HELB: variants seen among roughly 807,000 people sequenced by gnomAD.
HELB encodes DNA helicase B.
A neutral mutation model predicts 101.7 loss-of-function variants in HELB; 96 were observed. That is an observed-to-expected ratio of 0.94 (90% CI 0.80 to 1.12). The LOEUF (loss-of-function observed/expected upper bound fraction) is 1.12, where lower values mean the gene tolerates loss of function less well. HELB is among the 50% of genes most tolerant of loss of function. The pLI, the probability that HELB is intolerant of heterozygous loss-of-function variation, is 0.00. For missense variants in HELB, 1,210 were observed against 1,291.9 expected, an observed-to-expected ratio of 0.94 and a Z score of 0.97; for synonymous variants, 437 against 459.7, an observed-to-expected ratio of 0.95 and a Z score of 0.63.
At chr12:66,322,973 G>A (rs1228927959) in intron 9 of HELB, among the ~76,000 whole-genome samples, 190 bp downstream of exon 9, 1 of 151,652 alleles carries the variant, frequency 6.6e-6, no homozygotes, top group African/African-American at 2.4e-5. Flanking sequence ...TGACATTTTA[G>A]TAATGAGTGG....
intron 4 of HELB, among the ~76,000 whole-genome samples, chr12:66,311,503 A>G (rs1036515840): frequency 1.3e-5 from 2 of 152,168 alleles, no homozygotes; most frequent in Non-Finnish European, 1.5e-5. Flanking sequence ...GTGTAGGCGT[A>G]ATGATATAGT....
At position 66,331,425 on chromosome 12, in the gene HELB, C is replaced by T. The variant is rs532858164; in HGVS notation, c.2942C>T (p.Pro981Leu). The T allele has an allele frequency of 1.1e-5, 18 of 1,614,190 alleles. No individual in the cohort carries two copies. The Admixed American group carries it at 1.2e-4, about 10-fold the overall frequency. Reference sequence around the variant, plus strand: ...GGAGACAGTGGAGGACCCAGCACACCGTCAGCATCTCCACTCCCTGTAGTC... The same window carrying T: ...GGAGACAGTGGAGGACCCAGCACACTGTCAGCATCTCCACTCCCTGTAGTC... ...SSGDSGGPST[P>L]SASPLPVVTD... The change falls in exon 12 of 13, where the codon CCG becomes CTG. Residue 981 changes from proline (P) to leucine (L), a missense_variant. This residue lies in a region of HELB where 740 missense variants were observed against 728.8 expected (regional missense o/e 1.02). Transcript: ENST00000247815.
chr12:66,332,278 G>A (rs570549253), intron 12 of HELB, among the ~76,000 whole-genome samples: 23 of 152,210 alleles, frequency 1.5e-4, no homozygotes, highest in African/African-American at 5.5e-4. Context: ...CCATCTTCTT[G>A]GATGATTGGT....
intron 11 of HELB, among the ~76,000 whole-genome samples, chr12:66,326,294 G>C (rs2053736309): frequency 6.6e-6 from 1 of 151,880 alleles, no homozygotes; most frequent in African/African-American, 2.4e-5. Context: ...CCAGGCTGGA[G>C]TGCAGTGGCG....
At chr12:66,324,544 T>G (rs2053713149) in intron 10 of HELB, 1 of 259,762 alleles carries the variant, frequency 3.8e-6, no homozygotes, top group South Asian at 5.9e-5. Context: ...AGACATAGAT[T>G]TTAAAAAGCA....
chr12:66,324,698 GA>G (rs2053715201), intron 10 of HELB, among the ~76,000 whole-genome samples: 1 of 152,136 alleles, frequency 6.6e-6, no homozygotes, highest in African/African-American at 2.4e-5. Flanking sequence ...GTCAATACAA[GA>G]AATGAATGTA....
In HELB at chr12:66,321,776, T is replaced by C. The variant is rs562179483; in HGVS notation, c.2156-172T>C. On this transcript the variant is annotated intron_variant, in intron 7 of 12. Transcript: ENST00000247815. ...ACCCTTCTTTCCATTCTCTTTCCTATTGCCCTGGCTGATGTGGGGAATGAG... is the reference window on the plus strand; with the variant it reads ...ACCCTTCTTTCCATTCTCTTTCCTACTGCCCTGGCTGATGTGGGGAATGAG... 2.3e-4 allele frequency: 118 copies of C among 504,462 alleles called. No homozygotes were observed. The South Asian group carries it at 2.4e-3, about 10-fold the overall frequency. The allele number at this position is 504,462 out of a possible 1,614,324, so 31.2% of individuals were successfully genotyped here.
intron 1 of HELB, 91 bp from the exon 2 acceptor site, chr12:66,304,615 TAGAGAGTGCTGTAGGGAGATTAAAG>T: frequency 1.1e-6 from 1 of 914,430 alleles, no homozygotes; most frequent in Non-Finnish European, 1.6e-6. Context: ...CAGACATCTT[TAGAGAGTGCTGTAGGGAGATTAAAG>T]ATAGTGGTAA....
At position 66,322,756 on chromosome 12, in the gene HELB, G is replaced by A; in HGVS notation, c.2270G>A (p.Cys757Tyr). Reference protein sequence around the residue: ...QDCDLINDCCCKHYTGHLTKD... With the variant: ...QDCDLINDCCYKHYTGHLTKD... ...TGTGATCTAATTAATGACTGCTGCT[G>A]CAAACACTACACAGGCCACCTCACC... The change falls in exon 9 of 13, where the codon TGC becomes TAC. Residue 757 changes from cysteine (C) to tyrosine (Y), a missense_variant. Cys to Tyr is a radical substitution (Grantham distance 194). This residue lies in a region of HELB where 740 missense variants were observed against 728.8 expected (regional missense o/e 1.02). Transcript: ENST00000247815. 2 of 1,610,526 alleles carry A rather than the reference G, an allele frequency of 1.2e-6. No homozygotes were observed. The highest frequency in any genetic ancestry group is 1.7e-6 in the Non-Finnish European group (2 of 1,178,192).
rs760831821 is a variant in HELB, at chr12:66,331,564, AGAT to A, written c.3088_3090del (p.Asp1030del). ...TATCTTCACCTGATGGAGTAGATACAGATGATGATTTACCAAAATCGCGAGCAT... is the reference window on the plus strand; with the variant it reads ...TATCTTCACCTGATGGAGTAGATACAGATGATTTACCAAAATCGCGAGCAT... On this transcript the variant is annotated inframe_deletion, in exon 12 of 13. Transcript: ENST00000247815. 170 of 1,613,732 alleles carry A rather than the reference AGAT, an allele frequency of 1.1e-4. No homozygotes were observed. Among genetic ancestry groups the A allele is most frequent in the Non-Finnish European group, 1.3e-4 (159 of 1,180,006 alleles).
chr12:66,315,391 A>G lies in HELB; in HGVS notation c.2000+8A>G. 1 of 1,542,448 alleles carries G rather than the reference A, an allele frequency of 6.5e-7. No homozygotes were observed. Among genetic ancestry groups the G allele is most frequent in the Non-Finnish European group, 8.7e-7 (1 of 1,147,814 alleles). On this transcript the variant is annotated splice_region_variant and intron_variant, in intron 6 of 12. Transcript: ENST00000247815. The stretch of plus-strand genomic sequence containing the variant: ...TGTGGACAATGCTACAAGGTATAAT[A>G]TTACTAAGAGTTTGCATTTTCTGTC...
chr12:66,304,315 G>C (rs754213272), intron 1 of HELB, among the ~76,000 whole-genome samples: 11 of 152,194 alleles, frequency 7.2e-5, no homozygotes, highest in Admixed American at 1.3e-4. Context: ...GCTGAGGTCT[G>C]TAGTAAATGT....
At chr12:66,325,167 A>T in intron 11 of HELB, 41 bp downstream of exon 11, 1 of 1,410,832 alleles carries the variant, frequency 7.1e-7, no homozygotes, top group African/African-American at 1.4e-5. Context: ...ATAATTTACC[A>T]ACCTTAGAGC....
At chr12:66,315,739 C>T (rs887074718) in intron 6 of HELB, among the ~76,000 whole-genome samples, 6 of 152,014 alleles carry the variant, frequency 3.9e-5, no homozygotes, top group Non-Finnish European at 8.8e-5. Context: ...AGAAATATCC[C>T]CTAATTTTTG....
chr12:66,322,173 C>G (rs2065525922), intron 8 of HELB, 144 bp downstream of exon 8: 1 of 525,400 alleles, frequency 1.9e-6, no homozygotes, highest in Non-Finnish European at 3.4e-6. Context: ...CTTTGTTAGA[C>G]ATGGCAGAGG....
chr12:66,331,180 T>C lies in HELB; in HGVS notation c.2697T>C (p.Tyr899=), dbSNP rs1360822336. 4 of 1,610,838 alleles carry C rather than the reference T, an allele frequency of 2.5e-6. No individual in the cohort carries two copies. Among genetic ancestry groups the C allele is most frequent in the East Asian group, 4.5e-5 (2 of 44,820 alleles). Reference sequence around the variant, plus strand: ...GGTCCGAGGAGCAAACAGTTGTCTATGTGGTGGGGAAGGCGGGCCGCCAGC... The same window carrying C: ...GGTCCGAGGAGCAAACAGTTGTCTACGTGGTGGGGAAGGCGGGCCGCCAGC... ...FQGSEEQTVV[Y]VVGKAGRQHW... The change falls in exon 12 of 13, where the codon TAT becomes TAC. Residue 899 remains tyrosine, a synonymous_variant. Transcript: ENST00000247815.
rs1228517924 is a variant in HELB at position 66,331,533 on chromosome 12, G to A, written c.3050G>A (p.Trp1017Ter). Residue 1017 changes from tryptophan (W) to a stop codon, truncating the protein, a stop_gained, in exon 12 of 13, where the codon TGG (tryptophan) becomes TAG (stop). Transcript: ENST00000247815. LOFTEE classifies it high-confidence loss of function. ...DERTLTFAER[W>*]QLSSPDGVDT... is the part of the protein sequence containing the mutation. ...AGGACACTCACCTTTGCTGAAAGAT[G>A]GCAATTATCTTCACCTGATGGAGTA... 6.2e-7 allele frequency: 1 copy of A among 1,614,074 alleles called. No individual in the cohort carries two copies. Among genetic ancestry groups the A allele is most frequent in the Non-Finnish European group, 8.5e-7 (1 of 1,180,034 alleles).
intron 12 of HELB, among the ~76,000 whole-genome samples, chr12:66,332,658 A>T (rs2053823356): frequency 6.6e-6 from 1 of 152,056 alleles, no homozygotes; most frequent in Non-Finnish European, 1.5e-5. Flanking sequence ...ATTGTTGCTA[A>T]CTTTTTACTG....
chr12:66,331,805 T>C (rs1489329473), intron 12 of HELB, among the ~76,000 whole-genome samples, 160 bp downstream of exon 12: 1 of 152,322 alleles, frequency 6.6e-6, no homozygotes, highest in African/African-American at 2.4e-5. Flanking sequence ...CCTCACTGTC[T>C]GATTTCCCCT....
Sources: gnomAD v4.1 joint callset for allele counts (sites outside exome capture counted in the v4.1 genomes callset) on GRCh38, gnomAD v4.1.1 for gene constraint, gnomAD v4.1.1 regional missense constraint, MANE v1.5 for transcripts, NCBI Gene and HGNC (gene_info 2026-07-23, HGNC 2026-07-21) for gene names.